Variants in UBE2D2 observed in about 807,000 individuals in gnomAD.
UBE2D2 encodes ubiquitin conjugating enzyme E2 D2.
UBE2D2 carries 2 observed loss-of-function variants against 24.2 expected under a neutral mutation model. The observed-to-expected ratio is 0.08, with a 90% CI of 0.03 to 0.26. The LOEUF (loss-of-function observed/expected upper bound fraction) is 0.26, where lower values mean the gene tolerates loss of function less well. Among genes scored for constraint, UBE2D2 ranks in the 10% least tolerant of loss-of-function variants. UBE2D2 has a pLI of 1.00. For missense variants in UBE2D2, 44 were observed against 177.6 expected, an observed-to-expected ratio of 0.25 and a Z score of 4.28; for synonymous variants, 58 against 56.5, an observed-to-expected ratio of 1.03 and a Z score of -0.12.
At chr5:139,592,377 T>C (rs373436758) in intron 1 of UBE2D2, among the ~76,000 whole-genome samples, 36 of 152,208 alleles carry the variant, frequency 2.4e-4, no homozygotes, top group African/African-American at 7.7e-4. Flanking sequence ...TTTTAACTCA[T>C]CAGACATAAA....
intron 2 of UBE2D2, chr5:139,612,057 G>A (rs1485508311): frequency 6.7e-6 from 1 of 150,120 alleles, no homozygotes; most frequent in Non-Finnish European, 1.4e-5. Flanking sequence ...TGGCATACTT[G>A]TTACATATTT....
chr5:139,600,942 A>G (rs1210797010), intron 2 of UBE2D2, among the ~76,000 whole-genome samples: 1 of 152,056 alleles, frequency 6.6e-6, no homozygotes, highest in Non-Finnish European at 1.5e-5. Context: ...ATCTGGGATT[A>G]CAGGTGCATG....
intron 1 of UBE2D2, among the ~76,000 whole-genome samples, chr5:139,540,115 C>T (rs1752735863): frequency 6.6e-6 from 1 of 151,828 alleles, no homozygotes; most frequent in African/African-American, 2.4e-5. Context: ...GATGGTGTTT[C>T]ACCATGTTGG....
intron 1 of UBE2D2, among the ~76,000 whole-genome samples, chr5:139,578,085 A>G (rs1259715600): frequency 1.3e-5 from 2 of 152,100 alleles, no homozygotes; most frequent in Admixed American, 6.6e-5. Flanking sequence ...GACTCTTCCC[A>G]TCTACCTGGC....
upstream of UBE2D2, among the ~76,000 whole-genome samples, chr5:139,559,829 A>C (rs2126644118): frequency 6.6e-6 from 1 of 152,314 alleles, no homozygotes; most frequent in Non-Finnish European, 1.5e-5. Flanking sequence ...ATTACCTCCC[A>C]GCAAAATATT....
chr5:139,544,412 C>T (rs958731768), intron 1 of UBE2D2, among the ~76,000 whole-genome samples: 7 of 150,930 alleles, frequency 4.6e-5, no homozygotes, highest in Non-Finnish European at 7.4e-5. Context: ...CTCAGCCTCC[C>T]GAAGTAGCTG....
At chr5:139,554,294 G>A (rs1041154931) in intron 1 of UBE2D2, among the ~76,000 whole-genome samples, 5 of 151,920 alleles carry the variant, frequency 3.3e-5, no homozygotes, top group Non-Finnish European at 5.9e-5. Context: ...TCAGCCTCCC[G>A]AGTGGCTGGG....
At chr5:139,604,766 C>T (rs897849526) in intron 2 of UBE2D2, among the ~76,000 whole-genome samples, 8 of 151,814 alleles carry the variant, frequency 5.3e-5, no homozygotes, top group African/African-American at 1.9e-4. Flanking sequence ...TGTAGTCCCA[C>T]CTACTCACAA....
chr5:139,586,531 C>T (rs1275882020), intron 1 of UBE2D2, among the ~76,000 whole-genome samples: 4 of 152,034 alleles, frequency 2.6e-5, no homozygotes, highest in South Asian at 2.1e-4. Context: ...TTTGGGAGGC[C>T]GAGGCGGGCG....
At chr5:139,551,274 A>G (rs753266126) in intron 1 of UBE2D2, among the ~76,000 whole-genome samples, 7 of 152,172 alleles carry the variant, frequency 4.6e-5, no homozygotes, top group Non-Finnish European at 8.8e-5. Flanking sequence ...GCTTCAACCC[A>G]TGAGGCAGAG....
intron 1 of UBE2D2, among the ~76,000 whole-genome samples, chr5:139,554,408 G>C (rs1752955810): frequency 6.6e-6 from 1 of 152,132 alleles, no homozygotes; most frequent in South Asian, 2.1e-4. Flanking sequence ...CGTTTTGTCT[G>C]TTTTTGAACT....
intron 2 of UBE2D2, among the ~76,000 whole-genome samples, chr5:139,611,352 A>G (rs1013265156): frequency 7.3e-5 from 11 of 151,512 alleles, no homozygotes; most frequent in African/African-American, 2.7e-4. Context: ...ACGCCCAGCT[A>G]ATTTTTTATA....
At chr5:139,578,772 A>G (rs886535612) in intron 1 of UBE2D2, among the ~76,000 whole-genome samples, 7 of 152,070 alleles carry the variant, frequency 4.6e-5, no homozygotes, top group Non-Finnish European at 1.0e-4. Flanking sequence ...TGTTAGGTAT[A>G]TGATCCCATG....
At position 139,544,569 on chromosome 5, in the gene UBE2D2, C is replaced by T. The variant is rs910802122; in HGVS notation, c.-64+17957C>T. Among the ~76,000 whole-genome samples, 105 of 151,086 alleles carry T rather than the reference C, an allele frequency of 6.9e-4. 1 individual carries two copies. Among genetic ancestry groups the T allele is most frequent in the Non-Finnish European group, 1.3e-3 (86 of 67,724 alleles). ...GCCTCCCAAGTGCTGGTATTACAGG[C>T]GTGAGCCACTGCGCCCTGCCAAGCT... is the stretch of plus-strand genomic sequence containing the variant. On this transcript the variant is annotated intron_variant, in intron 1 of 6. Coordinates refer to the UBE2D2 transcript ENST00000511725.
At chr5:139,565,345 A>G (rs1020640118) in intron 1 of UBE2D2, among the ~76,000 whole-genome samples, 15 of 152,200 alleles carry the variant, frequency 9.9e-5, no homozygotes, top group Non-Finnish European at 2.1e-4. Flanking sequence ...GACCTATACT[A>G]TAAGCAGAGC....
chr5:139,615,730 C>T (rs1226163365), intron 5 of UBE2D2, among the ~76,000 whole-genome samples: 1 of 151,730 alleles, frequency 6.6e-6, no homozygotes, highest in Non-Finnish European at 1.5e-5. Context: ...TATCAATGAA[C>T]TGAGTGATGT....
upstream of UBE2D2, among the ~76,000 whole-genome samples, chr5:139,558,443 C>G (rs946074716): frequency 2.6e-5 from 4 of 152,098 alleles, no homozygotes; most frequent in African/African-American, 9.7e-5. Context: ...GCCCGCCAAC[C>G]AAGCCCGGCT....
At chr5:139,534,419 A>G (rs1581478448) in intron 1 of UBE2D2, among the ~76,000 whole-genome samples, 1 of 152,204 alleles carries the variant, frequency 6.6e-6, no homozygotes, top group East Asian at 1.9e-4. Context: ...ACAAACCATT[A>G]GCCGGGCGTC....
At chr5:139,597,074 A>G (rs898665037) in intron 1 of UBE2D2, among the ~76,000 whole-genome samples, 1 of 152,014 alleles carries the variant, frequency 6.6e-6, no homozygotes, top group African/African-American at 2.4e-5. Flanking sequence ...AAAAAATAAT[A>G]AACAACTTTG....
Sources: allele counts gnomAD v4.1 joint callset (sites outside exome capture counted in the v4.1 genomes callset), GRCh38; gene constraint gnomAD v4.1.1; transcripts MANE v1.5; gene names NCBI Gene and HGNC (gene_info 2026-07-23, HGNC 2026-07-21).